Variants in RUNX2 observed in about 807,000 individuals in gnomAD.
The protein encoded by RUNX2 is runt-related transcription factor 2.
A neutral mutation model predicts 51.7 loss-of-function variants in RUNX2; 10 were observed. The ratio of observed to expected loss-of-function variants is 0.19; its 90% CI spans 0.12 to 0.33. RUNX2 has a LOEUF of 0.33. RUNX2 is among the 10% of genes least tolerant of loss of function. RUNX2 has a pLI of 1.00. For missense variants in RUNX2, 562 were observed against 691.3 expected, an observed-to-expected ratio of 0.81 and a Z score of 2.10; for synonymous variants, 276 against 273.6, an observed-to-expected ratio of 1.01 and a Z score of -0.09.
At chr6:45,395,629 A>G (rs1278385719) in intron 2 of RUNX2, among the ~76,000 whole-genome samples, 1 of 152,202 alleles carries the variant, frequency 6.6e-6, no homozygotes, top group African/African-American at 2.4e-5. Flanking sequence ...TATAAACTAT[A>G]AAAGTAAGCA....
At chr6:45,463,102 T>G (rs1408926620) in intron 5 of RUNX2, among the ~76,000 whole-genome samples, 2 of 152,190 alleles carry the variant, frequency 1.3e-5, no homozygotes, top group African/African-American at 4.8e-5. Flanking sequence ...TTCTACCAAA[T>G]ATTGATCAAT....
intron 2 of RUNX2, among the ~76,000 whole-genome samples, chr6:45,351,212 T>C (rs764741554): frequency 1.2e-4 from 18 of 151,866 alleles, no homozygotes; most frequent in Non-Finnish European, 2.2e-4. Context: ...AAAATTATGC[T>C]CTAAATTAGT....
intron 2 of RUNX2, among the ~76,000 whole-genome samples, chr6:45,410,549 T>C (rs990994476): frequency 2.0e-5 from 3 of 152,204 alleles, no homozygotes; most frequent in African/African-American, 7.2e-5. Flanking sequence ...GTGGGGGCTA[T>C]CTAGGGATAA....
At chr6:45,391,088 T>C (rs1797459257) in intron 2 of RUNX2, among the ~76,000 whole-genome samples, 1 of 152,218 alleles carries the variant, frequency 6.6e-6, no homozygotes, top group Admixed American at 6.5e-5. Flanking sequence ...AATGGACTTC[T>C]AAACAAATCA....
intron 2 of RUNX2, among the ~76,000 whole-genome samples, chr6:45,353,160 C>T (rs1242691563): frequency 6.6e-6 from 1 of 151,968 alleles, no homozygotes; most frequent in African/African-American, 2.4e-5. Context: ...CATTAATCAA[C>T]TTTAAAAGTA....
At chr6:45,381,307 C>G (rs551437412) in intron 2 of RUNX2, among the ~76,000 whole-genome samples, 18 of 152,306 alleles carry the variant, frequency 1.2e-4, no homozygotes, top group Non-Finnish European at 2.5e-4. Flanking sequence ...GAACTAAAAC[C>G]TTACAGCCCT....
intron 2 of RUNX2, among the ~76,000 whole-genome samples, chr6:45,371,682 T>C (rs772527482): frequency 2.6e-5 from 4 of 152,226 alleles, no homozygotes; most frequent in Non-Finnish European, 5.9e-5. Context: ...GGGACTTACA[T>C]GGTCATTAAG....
chr6:45,380,857 C>T (rs1179968620), intron 2 of RUNX2, among the ~76,000 whole-genome samples: 2 of 152,128 alleles, frequency 1.3e-5, no homozygotes. Flanking sequence ...TTACAGGTGT[C>T]AGCCACCGCA....
chr6:45,365,835 C>T (rs574976824), intron 2 of RUNX2, among the ~76,000 whole-genome samples: 2 of 151,346 alleles, frequency 1.3e-5, no homozygotes, highest in African/African-American at 4.8e-5. Flanking sequence ...CCTATTTGAA[C>T]AAAAGCCTAA....
At chr6:45,524,458 A>G (rs905452820) in intron 7 of RUNX2, among the ~76,000 whole-genome samples, 1 of 152,126 alleles carries the variant, frequency 6.6e-6, no homozygotes, top group African/African-American at 2.4e-5. Flanking sequence ...GCTTATCGCC[A>G]TCTCGCGCTG....
intron 2 of RUNX2, among the ~76,000 whole-genome samples, chr6:45,412,031 A>C (rs1296047608): frequency 1.3e-5 from 2 of 152,102 alleles, no homozygotes; most frequent in African/African-American, 4.8e-5. Context: ...TCTGGTCTAA[A>C]TGTTGAGGTA....
chr6:45,470,158 C>T (rs374693765), intron 5 of RUNX2, among the ~76,000 whole-genome samples: 10 of 152,058 alleles, frequency 6.6e-5, no homozygotes, highest in African/African-American at 1.7e-4. Flanking sequence ...AACAAAAGTT[C>T]GTTACTATTT....
intron 4 of RUNX2, among the ~76,000 whole-genome samples, chr6:45,434,887 T>G (rs1798639324): frequency 6.6e-6 from 1 of 152,208 alleles, no homozygotes; most frequent in Non-Finnish European, 1.5e-5. Flanking sequence ...AAATCATGAA[T>G]GCCCACATAA....
At chr6:45,504,556 TA>T (rs1800900284) in intron 6 of RUNX2, among the ~76,000 whole-genome samples, 1 of 152,240 alleles carries the variant, frequency 6.6e-6, no homozygotes, top group Non-Finnish European at 1.5e-5. Flanking sequence ...AAGCTCATTC[TA>T]AAATTCCAGT....
intron 2 of RUNX2, among the ~76,000 whole-genome samples, chr6:45,352,228 TCTAC>T (rs1371842653): frequency 6.6e-6 from 1 of 152,194 alleles, no homozygotes; most frequent in African/African-American, 2.4e-5. Flanking sequence ...CCTTTGATCG[TCTAC>T]CTGACAATTT....
In RUNX2 at chr6:45,422,680, A is replaced by T; in HGVS notation, c.146A>T (p.Gln49Leu). ...MSDVSPVVAA[Q>L]QQQQQQQQQQ... The stretch of plus-strand genomic sequence containing the variant: ...GACGTGAGCCCGGTGGTGGCTGCGC[A>T]ACAGCAGCAGCAACAGCAGCAGCAG... The change falls in exon 3 of 9, where the codon CAA becomes CTA. Residue 49 changes from glutamine (Q) to leucine (L), a missense_variant. This residue lies in a region of RUNX2 where 153 missense variants were observed against 144.8 expected (regional missense o/e 1.06). Transcript: ENST00000647337. The T allele has an allele frequency of 6.2e-7, 1 of 1,604,980 alleles. No individual in the cohort carries two copies. The highest frequency in any genetic ancestry group is 1.1e-5 in the South Asian group (1 of 89,748).
chr6:45,486,734 A>G (rs1800293326), intron 5 of RUNX2, among the ~76,000 whole-genome samples: 1 of 152,174 alleles, frequency 6.6e-6, no homozygotes, highest in South Asian at 2.1e-4. Context: ...TTGTGGATAT[A>G]ATACAGAGAA....
At chr6:45,479,638 A>G (rs1800053790) in intron 5 of RUNX2, among the ~76,000 whole-genome samples, 1 of 152,226 alleles carries the variant, frequency 6.6e-6, no homozygotes, top group Non-Finnish European at 1.5e-5. Flanking sequence ...TGGACCAAAG[A>G]AAAACATTTT....
chr6:45,412,164 A>G (rs999081444), intron 2 of RUNX2, among the ~76,000 whole-genome samples: 1 of 142,960 alleles, frequency 7.0e-6, no homozygotes, highest in Non-Finnish European at 1.5e-5. Flanking sequence ...CCTGGGCTAC[A>G]TGCCCAGTAT....
Sources: gnomAD v4.1 joint callset for allele counts (sites outside exome capture counted in the v4.1 genomes callset) on GRCh38, gnomAD v4.1.1 for gene constraint, gnomAD v4.1.1 regional missense constraint, MANE v1.5 for transcripts, NCBI Gene and HGNC (gene_info 2026-07-23, HGNC 2026-07-21) for gene names.